Variants in MAP7D2 observed in about 807,000 individuals in gnomAD.
MAP7D2 encodes MAP7 domain-containing protein 2.
MAP7D2 carries 33 observed loss-of-function variants against 63.5 expected under a neutral mutation model. The observed-to-expected ratio is 0.52, with a 90% CI of 0.39 to 0.70. MAP7D2 has a LOEUF of 0.70. Among genes scored for constraint, MAP7D2 ranks in the 30% least tolerant of loss-of-function variants. The pLI is 0.00. For missense variants in MAP7D2, 626 were observed against 604.0 expected (o/e 1.04, Z -0.38); for synonymous variants, 224 against 223.7 (o/e 1.00, Z -0.01).
intron 1 of MAP7D2, among the ~76,000 whole-genome samples, chrX:20,096,071 G>T: frequency 1.7e-5 from 1 of 60,514 alleles, no homozygotes; most frequent in Non-Finnish European, 2.7e-5. Flanking sequence ...AACAGAGCAA[G>T]ACTCTTCCTC....
chrX:20,007,292 A>G lies in MAP7D2; in HGVS notation c.*1133T>C, dbSNP rs1372724205. 10 of 112,606 alleles carry G rather than the reference A, an allele frequency of 8.9e-5. No individual in the cohort carries two copies. The highest frequency in any genetic ancestry group is 1.9e-4 in the Non-Finnish European group (10 of 53,316). 9.3% of individuals were successfully genotyped at this position (112,606 alleles called of 1,213,427 possible). A position where few individuals can be genotyped will look rare whatever the true frequency, so the allele number is the denominator to read the frequency against. On this transcript the variant is annotated 3_prime_UTR_variant, in exon 17 of 17. Transcript: ENST00000379643. Reference sequence around the variant, plus strand: ...AATCTTTCCAAACCCTTAATTATACAAGTCAAAACAAAAAGTTTCAAAGAA... The same window carrying G: ...AATCTTTCCAAACCCTTAATTATACGAGTCAAAACAAAAAGTTTCAAAGAA...
chrX:20,113,629 A>G (rs968691468), intron 1 of MAP7D2, among the ~76,000 whole-genome samples: 4 of 111,399 alleles, frequency 3.6e-5, no homozygotes, highest in African/African-American at 1.3e-4. Context: ...TTTCTTGGGG[A>G]CCCAATGCCT....
chrX:20,008,076 A>G lies in MAP7D2; in HGVS notation c.*349T>C, dbSNP rs2073062719. The G allele has an allele frequency of 8.9e-6, 1 of 112,367 alleles. No homozygotes were observed. The highest frequency in any genetic ancestry group is 3.6e-4 in the South Asian group (1 of 2,750). 9.3% of individuals were successfully genotyped at this position (112,367 alleles called of 1,213,427 possible). A position where few individuals can be genotyped will look rare whatever the true frequency, so the allele number is the denominator to read the frequency against. ...ATGTTTATGTGCTCCAACTTTGGGA[A>G]TAAGAATGGTTATAAAGCGAATTGC... On this transcript the variant is annotated 3_prime_UTR_variant, in exon 17 of 17. Transcript: ENST00000379643.
At chrX:20,099,059 C>T (rs1266204487) in intron 1 of MAP7D2, among the ~76,000 whole-genome samples, 1 of 112,501 alleles carries the variant, frequency 8.9e-6, no homozygotes, top group Non-Finnish European at 1.9e-5. Flanking sequence ...GTGACACTGT[C>T]AGTACATTTT....
At chrX:20,073,742 A>G (rs1264515220) in intron 1 of MAP7D2, among the ~76,000 whole-genome samples, 2 of 106,087 alleles carry the variant, frequency 1.9e-5, no homozygotes, top group South Asian at 8.4e-4. Flanking sequence ...TAGCCAGGAT[A>G]GTCTCGATCT....
intron 1 of MAP7D2, among the ~76,000 whole-genome samples, chrX:20,081,055 G>A (rs1480930223): frequency 8.9e-6 from 1 of 111,796 alleles, no homozygotes; most frequent in Non-Finnish European, 1.9e-5. Context: ...GCCAAGACAC[G>A]GGGATAAATG....
intron 1 of MAP7D2, among the ~76,000 whole-genome samples, chrX:20,065,730 C>G (rs1456923455): frequency 9.0e-6 from 1 of 111,592 alleles, no homozygotes; most frequent in Non-Finnish European, 1.9e-5. Context: ...TGACAACTTC[C>G]CCGAAAATGT....
chrX:20,062,904 G>C (rs959054212), intron 3 of MAP7D2, among the ~76,000 whole-genome samples: 1 of 111,555 alleles, frequency 9.0e-6, no homozygotes, highest in African/African-American at 3.3e-5. Flanking sequence ...GCAACTGACA[G>C]GATCACATTG....
intron 1 of MAP7D2, among the ~76,000 whole-genome samples, chrX:20,085,672 A>G (rs1224421986): frequency 8.9e-6 from 1 of 112,531 alleles, no homozygotes; most frequent in East Asian, 2.8e-4. Context: ...AGAAACAAAG[A>G]TAAAGAGAAG....
At chrX:20,062,212 C>T (rs1273477720) in intron 3 of MAP7D2, among the ~76,000 whole-genome samples, 1 of 111,989 alleles carries the variant, frequency 8.9e-6, no homozygotes, top group African/African-American at 3.2e-5. Context: ...CTGTAACTAC[C>T]TCTGTTTTGG....
intron 1 of MAP7D2, among the ~76,000 whole-genome samples, chrX:20,099,112 C>T (rs894982291): frequency 1.8e-5 from 2 of 112,532 alleles, no homozygotes; most frequent in African/African-American, 6.5e-5. Flanking sequence ...GTCACAGTAC[C>T]TCCTATCCTG....
intron 15 of MAP7D2, among the ~76,000 whole-genome samples, chrX:20,011,349 T>C (rs921321690): frequency 9.0e-6 from 1 of 111,614 alleles, no homozygotes; most frequent in African/African-American, 3.3e-5. Flanking sequence ...GGCACCAGCA[T>C]TCTACCACAA....
At chrX:20,087,485 A>C (rs1354870766) in intron 1 of MAP7D2, among the ~76,000 whole-genome samples, 3 of 112,025 alleles carry the variant, frequency 2.7e-5, no homozygotes, top group Admixed American at 1.9e-4. Context: ...CACTAGAAGC[A>C]GATGCTTCTT....
intron 8 of MAP7D2, among the ~76,000 whole-genome samples, chrX:20,026,352 A>G (rs1476584052): frequency 9.0e-6 from 1 of 110,871 alleles, no homozygotes; most frequent in African/African-American, 3.3e-5. Context: ...CATATATAAC[A>G]CCAAATTTAC....
chrX:20,030,558 T>C (rs946418118), intron 8 of MAP7D2, among the ~76,000 whole-genome samples: 40 of 111,630 alleles, frequency 3.6e-4, no homozygotes, highest in Non-Finnish European at 6.8e-4. Flanking sequence ...TGCCTCTGAA[T>C]GTGAGTTGAC....
rs186651507 is a variant in MAP7D2 at position 20,035,545 on chromosome X, C to T, written c.1007+6957G>A. On this transcript the variant is annotated intron_variant, in intron 8 of 16. Transcript: ENST00000379643. ...AAAAAGTCTGGAATTTTAACCAAGT[C>T]CCTTTGATCAGGGACAGCTTTTACA... Among the ~76,000 whole-genome samples, 123 of 111,443 alleles carry T rather than the reference C, an allele frequency of 1.1e-3. 1 individual carries two copies. Among genetic ancestry groups the T allele is most frequent in the Non-Finnish European group, 2.1e-3 (112 of 53,056 alleles).
intron 1 of MAP7D2, among the ~76,000 whole-genome samples, chrX:20,090,278 G>A (rs776356902): frequency 2.7e-3 from 285 of 105,372 alleles, no homozygotes; most frequent in South Asian, 5.6e-3. Flanking sequence ...AGCAAATCAC[G>A]AGGTCAGGAG....
Position 20,107,964 on chromosome X carries a change from G to C in MAP7D2, c.130+8786C>G, listed in dbSNP as rs781097920. Among the ~76,000 whole-genome samples the C allele has an allele frequency of 5.4e-5, 6 of 111,904 alleles. No homozygotes were observed. In the South Asian group the frequency reaches 2.2e-3, roughly 41 times the overall value. On this transcript the variant is annotated intron_variant, in intron 1 of 16. Transcript: ENST00000379643. ...AGAACTATTAATCTAAAGTTAAAAA[G>C]ATAAGTCTGTCCACATGCAATCTAA...
intron 4 of MAP7D2, among the ~76,000 whole-genome samples, chrX:20,053,664 A>G (rs1433576955): frequency 8.9e-6 from 1 of 111,749 alleles, no homozygotes; most frequent in Admixed American, 9.5e-5. Context: ...AGATGCTGAC[A>G]GTGCCCTGCC....
Sources: allele counts gnomAD v4.1 joint callset (sites outside exome capture counted in the v4.1 genomes callset), GRCh38; gene constraint gnomAD v4.1.1; transcripts MANE v1.5; gene names NCBI Gene and HGNC (gene_info 2026-07-23, HGNC 2026-07-21).